CAMSAP2: variants seen among roughly 807,000 people sequenced by gnomAD.
CAMSAP2 encodes calmodulin regulated spectrin associated protein family member 2.
A neutral mutation model predicts 146.1 loss-of-function variants in CAMSAP2; 26 were observed. The ratio of observed to expected loss-of-function variants is 0.18; its 90% CI spans 0.13 to 0.25. The LOEUF (loss-of-function observed/expected upper bound fraction) is 0.25, where lower values mean the gene tolerates loss of function less well. CAMSAP2 is among the 10% of genes least tolerant of loss of function. The pLI is 1.00. For missense variants in CAMSAP2, 1,381 were observed against 1,759.3 expected (o/e 0.78, Z 3.85); for synonymous variants, 499 against 596.6 (o/e 0.84, Z 2.38).
chr1:200,746,325 G>T (rs1044056586), intron 1 of CAMSAP2, among the ~76,000 whole-genome samples: 4 of 152,168 alleles, frequency 2.6e-5, no homozygotes, highest in Non-Finnish European at 5.9e-5. Context: ...AGAAGTGGAT[G>T]AATGTAAAGG....
At chr1:200,791,464 T>G (rs1665749606) in intron 2 of CAMSAP2, among the ~76,000 whole-genome samples, 1 of 152,166 alleles carries the variant, frequency 6.6e-6, no homozygotes, top group South Asian at 2.1e-4. Context: ...CCCCACCATG[T>G]TTTTTAGACT....
rs755548194 is a variant in CAMSAP2, at chr1:200,849,368, C to T, written c.2599C>T (p.Pro867Ser). Residue 867 changes from proline to serine, a missense_variant, in exon 11 of 17, where the codon CCC becomes TCC. By Grantham distance (74) the Pro-to-Ser change is moderately conservative (BLOSUM62 -1). This residue lies in a region of CAMSAP2 where 560 missense variants were observed against 715.9 expected (regional missense o/e 0.78). Coordinates refer to ENST00000358823, the MANE Select transcript of CAMSAP2 (RefSeq NM_203459.4). The surrounding 1 kb of genome is among the most constrained non-coding windows in gnomAD (Gnocchi z 6.3). Reference sequence around the variant, plus strand: ...TGAGAAGCAGTGGAACCTGGCAAGCCCCTCAGAAGAAACTTTAAATGAAGG... The same window carrying T: ...TGAGAAGCAGTGGAACCTGGCAAGCTCCTCAGAAGAAACTTTAAATGAAGG... ...DPEKQWNLASPSEETLNEGEI... is the reference protein window; with the variant it reads ...DPEKQWNLASSSEETLNEGEI... 19 of 1,613,848 alleles carry T rather than the reference C, an allele frequency of 1.2e-5. No individual in the cohort carries two copies. The highest frequency in any genetic ancestry group is 1.6e-4 in the Middle Eastern group (1 of 6,084).
intron 3 of CAMSAP2, among the ~76,000 whole-genome samples, chr1:200,810,394 A>G (rs1419601978): frequency 6.6e-6 from 1 of 152,116 alleles, no homozygotes; most frequent in Non-Finnish European, 1.5e-5. Context: ...AGCCTGGCCA[A>G]CATGGTGAAA....
chr1:200,739,896 C>A lies in CAMSAP2; in HGVS notation c.69C>A (p.Asp23Glu). The change falls in exon 1 of 17, where the codon GAC (aspartate) becomes GAA (glutamate). Residue 23 changes from aspartate to glutamate, a missense_variant. Asp to Glu is a conservative substitution (Grantham distance 45). Transcript: ENST00000358823. The surrounding 1 kb of genome is among the most constrained non-coding windows in gnomAD (Gnocchi z 4.8). ...TFIVPAIKPF[D>E]HYDFSRAKIA... Reference sequence around the variant, plus strand: ...TTGTTCCAGCCATCAAGCCTTTTGACCACTATGATTTCTCCAGGGCCAAAA... The same window carrying A: ...TTGTTCCAGCCATCAAGCCTTTTGAACACTATGATTTCTCCAGGGCCAAAA... The A allele has an allele frequency of 6.2e-7, 1 of 1,614,184 alleles. No individual in the cohort carries two copies. The highest frequency in any genetic ancestry group is 8.5e-7 in the Non-Finnish European group (1 of 1,180,026).
chr1:200,816,669 T>C lies in CAMSAP2; in HGVS notation c.645+1025T>C, dbSNP rs137868083. Among the ~76,000 whole-genome samples, 28 of 144,290 alleles carry C rather than the reference T, an allele frequency of 1.9e-4. No homozygotes were observed. In the East Asian group the frequency reaches 4.7e-3, roughly 24 times the overall value. The allele number at this position is 144,290 out of a possible 152,430, so 94.7% of individuals were successfully genotyped here. On this transcript the variant is annotated intron_variant, in intron 4 of 16. Coordinates refer to ENST00000358823, the MANE Select transcript of CAMSAP2 (RefSeq NM_203459.4). The stretch of plus-strand genomic sequence containing the variant: ...ATATATATGCACACACATACACATG[T>C]GTATATGTGTGTATATGTACATGCA...
chr1:200,808,657 T>A (rs1057303609), intron 3 of CAMSAP2, among the ~76,000 whole-genome samples: 8 of 152,214 alleles, frequency 5.3e-5, no homozygotes, highest in Non-Finnish European at 1.5e-5. Flanking sequence ...ATTCTAGACC[T>A]ATTCATCTTG....
intron 2 of CAMSAP2, among the ~76,000 whole-genome samples, chr1:200,765,471 C>T (rs1391914169): frequency 1.3e-5 from 2 of 152,066 alleles, no homozygotes; most frequent in South Asian, 2.1e-4. Flanking sequence ...CCTTGTGATC[C>T]ACTCACCTCG....
intron 2 of CAMSAP2, among the ~76,000 whole-genome samples, chr1:200,787,015 A>T (rs1214339648): frequency 6.6e-6 from 1 of 151,460 alleles, no homozygotes; most frequent in Non-Finnish European, 1.5e-5. Flanking sequence ...AGACCTGCTC[A>T]GAAAAAAAAA....
chr1:200,857,853 A>G lies in CAMSAP2; in HGVS notation c.4231A>G (p.Ile1411Val). The G allele has an allele frequency of 6.2e-7, 1 of 1,613,904 alleles. No homozygotes were observed. The highest frequency in any genetic ancestry group is 8.5e-7 in the Non-Finnish European group (1 of 1,179,842). Residue 1411 changes from isoleucine to valine, a missense_variant, in exon 17 of 17, where the codon ATC (isoleucine) becomes GTC (valine). Physicochemically the swap from Ile to Val is conservative, Grantham distance 29. Coordinates refer to ENST00000358823, the MANE Select transcript of CAMSAP2 (RefSeq NM_203459.4). This position sits in a 1 kb window ranked among gnomAD's most constrained non-coding sequence, Gnocchi z 4.7. ...CACTTATTGCCCAGAAACTGAAGAA[A>G]TCAATAAACTGACTGGGATAGGCCC... The part of the protein sequence containing the change: ...LYTYCPETEE[I>V]NKLTGIGPKS...
At chr1:200,757,152 A>T (rs1664676029) in intron 1 of CAMSAP2, among the ~76,000 whole-genome samples, 1 of 152,212 alleles carries the variant, frequency 6.6e-6, no homozygotes, top group Non-Finnish European at 1.5e-5. Flanking sequence ...GATTTGGAAA[A>T]TAAGGTGGCA....
chr1:200,747,501 G>T (rs1336382955), intron 1 of CAMSAP2, among the ~76,000 whole-genome samples: 1 of 151,338 alleles, frequency 6.6e-6, no homozygotes, highest in Non-Finnish European at 1.5e-5. Flanking sequence ...ATGGGAGATT[G>T]TATCAATTAT....
At chr1:200,819,242 G>T (rs1666685387) in intron 4 of CAMSAP2, among the ~76,000 whole-genome samples, 1 of 152,100 alleles carries the variant, frequency 6.6e-6, no homozygotes, top group South Asian at 2.1e-4. Flanking sequence ...CTAGGAAAAT[G>T]TTTTGTTTAA....
intron 4 of CAMSAP2, among the ~76,000 whole-genome samples, chr1:200,825,528 A>T (rs1666882979): frequency 7.0e-6 from 1 of 142,954 alleles, no homozygotes. Context: ...TTTTTTTGAG[A>T]CAGAGTCTTG....
intron 2 of CAMSAP2, among the ~76,000 whole-genome samples, chr1:200,762,136 G>A (rs991243101): frequency 1.6e-4 from 24 of 152,284 alleles, no homozygotes; most frequent in Non-Finnish European, 3.2e-4. Context: ...TGTAATTTAG[G>A]AAGAATGAAC....
At position 200,824,901 on chromosome 1, in the gene CAMSAP2, C is replaced by T. The variant is rs184921856; in HGVS notation, c.646-7299C>T. ...GGCTGAGGCAGGAGAATTGCTTGAG[C>T]CCGGGAGGCGGAGGTTGCAGTGAGC... On this transcript the variant is annotated intron_variant, in intron 4 of 16. Transcript: ENST00000358823. 2.4e-3 allele frequency among the ~76,000 whole-genome samples: 367 copies of T among 152,174 alleles called. 5 individuals carry two copies. Among genetic ancestry groups the T allele is most frequent in the Non-Finnish European group, 1.7e-3 (119 of 68,008 alleles).
rs116943415 is a variant in CAMSAP2, at chr1:200,769,904, C to T, written c.399+8806C>T. 5.3e-5 allele frequency among the ~76,000 whole-genome samples: 8 copies of T among 152,310 alleles called. No individual in the cohort carries two copies. The East Asian group carries it at 1.5e-3, about 29-fold the overall frequency. On this transcript the variant is annotated intron_variant, in intron 2 of 16. Coordinates refer to ENST00000358823, the MANE Select transcript of CAMSAP2 (RefSeq NM_203459.4). Reference sequence around the variant, plus strand: ...AGAAAGGCAGGAGAAGATTAGATTCCTGCCTTGGGGCAGGTGAAAGGAGGG... The same window carrying T: ...AGAAAGGCAGGAGAAGATTAGATTCTTGCCTTGGGGCAGGTGAAAGGAGGG...
chr1:200,841,065 TAGTA>T (rs1223987724), intron 6 of CAMSAP2, among the ~76,000 whole-genome samples: 1 of 152,192 alleles, frequency 6.6e-6, no homozygotes. Flanking sequence ...CATTTTAAAA[TAGTA>T]ATAATAAAAG....
chr1:200,848,988 G>T lies in CAMSAP2; in HGVS notation c.2219G>T (p.Arg740Leu). The T allele has an allele frequency of 1.2e-6, 2 of 1,614,110 alleles. No homozygotes were observed. The highest frequency in any genetic ancestry group is 1.1e-5 in the South Asian group (1 of 91,082). ...GAAGAAACAGGGCTTCCACAGGGAC[G>T]GGACACTACCCAGCTGTTGGCCTCT... ...IPEETGLPQG[R>L]DTTQLLASEM... is the part of the protein sequence containing the mutation. Residue 740 changes from arginine (R) to leucine (L), a missense_variant, in exon 11 of 17, where the codon CGG becomes CTG. Physicochemically the swap from Arg to Leu is moderately radical, Grantham distance 102. This residue lies in a region of CAMSAP2 where 560 missense variants were observed against 715.9 expected (regional missense o/e 0.78). Transcript: ENST00000358823.
In CAMSAP2 at chr1:200,775,541, G is replaced by GT. The variant is rs1405894844; in HGVS notation, c.399+14449dup. Among the ~76,000 whole-genome samples the GT allele has an allele frequency of 3.3e-5, 5 of 151,812 alleles. No homozygotes were observed. The East Asian group carries it at 7.7e-4, about 23-fold the overall frequency. ...AATATCCGAGGCTTTTTTGTTGTTT[G>GT]TTTTTTGAGATGGAGTCTCACTCTG... On this transcript the variant is annotated intron_variant, in intron 2 of 16. Coordinates refer to ENST00000358823, the MANE Select transcript of CAMSAP2 (RefSeq NM_203459.4).
Sources: allele counts gnomAD v4.1 joint callset (sites outside exome capture counted in the v4.1 genomes callset), GRCh38; gene constraint gnomAD v4.1.1; regional missense constraint gnomAD v4.1.1; non-coding constraint Gnocchi (gnomAD v3.1); transcripts MANE v1.5; gene names NCBI Gene and HGNC (gene_info 2026-07-23, HGNC 2026-07-21).